The following PPFIA2 variants were observed in gnomAD, a reference collection of about 807,000 sequenced individuals.
The protein encoded by PPFIA2 is PPFI scaffold protein A2.
PPFIA2 carries 46 observed loss-of-function variants against 175.5 expected under a neutral mutation model. The observed-to-expected ratio is 0.26, with a 90% CI of 0.21 to 0.34. The LOEUF (loss-of-function observed/expected upper bound fraction) is 0.34, where lower values mean the gene tolerates loss of function less well. Ranked by LOEUF, PPFIA2 falls within the 10% of genes least tolerant of loss-of-function variation. The pLI is 1.00. For synonymous variants in PPFIA2, 568 were observed against 511.4 expected, an observed-to-expected ratio of 1.11 and a Z score of -1.49; for missense variants, 1,179 against 1,506.1, an observed-to-expected ratio of 0.78 and a Z score of 3.60.
At chr12:81,506,573 TAA>T (rs1345023020) in intron 4 of PPFIA2, among the ~76,000 whole-genome samples, 2 of 152,224 alleles carry the variant, frequency 1.3e-5, no homozygotes, top group South Asian at 2.1e-4. Flanking sequence ...ACACATATGT[TAA>T]GTTTCCTATT....
Position 81,339,323 on chromosome 12 carries a change from A to G in PPFIA2, c.2405T>C (p.Val802Ala). 6.3e-7 allele frequency: 1 copy of G among 1,587,642 alleles called. No homozygotes were observed. The highest frequency in any genetic ancestry group is 8.6e-7 in the Non-Finnish European group (1 of 1,168,278). The change falls in exon 21 of 33, where the codon GTC (valine) becomes GCC (alanine). Residue 802 changes from valine to alanine, a missense_variant. By Grantham distance (64) the Val-to-Ala change is moderately conservative. This residue lies in a region of PPFIA2 where 223 missense variants were observed against 241.6 expected (regional missense o/e 0.92). Transcript: ENST00000549396. ...YHNDARSSLS[V>A]SLEPESLGLG... Reference sequence around the variant, plus strand: ...CCCGAGGCTTTCTGGCTCAAGAGAGACAGATAAACTACTGCAAAACACAAA... The same window carrying G: ...CCCGAGGCTTTCTGGCTCAAGAGAGGCAGATAAACTACTGCAAAACACAAA...
At chr12:81,742,964 A>T (rs1021489857) in intron 3 of PPFIA2, among the ~76,000 whole-genome samples, 2 of 152,162 alleles carry the variant, frequency 1.3e-5, no homozygotes, top group Admixed American at 6.5e-5. Flanking sequence ...AATGTGGGAG[A>T]TATTGCTAAT....
chr12:81,333,492 T>G (rs1478406905), intron 21 of PPFIA2, among the ~76,000 whole-genome samples: 1 of 152,198 alleles, frequency 6.6e-6, no homozygotes, highest in African/African-American at 2.4e-5. Context: ...GTAACCAGGA[T>G]GGATTCCATT....
chr12:81,357,578 T>C (rs11114832), intron 16 of PPFIA2, among the ~76,000 whole-genome samples: 24,478 of 152,202 alleles, frequency 0.16, 2,739 homozygotes, highest in East Asian at 0.41. Context: ...GAATAGTCTA[T>C]GTACATTTTC....
chr12:81,719,966 C>T (rs561015218), intron 3 of PPFIA2, among the ~76,000 whole-genome samples: 1 of 151,324 alleles, frequency 6.6e-6, no homozygotes, highest in South Asian at 2.1e-4. Context: ...TAAATTATAT[C>T]CATTCTATCT....
At chr12:81,429,886 A>G (rs2144402385) in intron 7 of PPFIA2, 1 of 152,174 alleles carries the variant, frequency 6.6e-6, no homozygotes, top group South Asian at 2.1e-4. Flanking sequence ...TGGGTCCACC[A>G]TCCCATACTA....
intron 11 of PPFIA2, 101 bp from the exon 12 acceptor site, chr12:81,369,295 G>A (rs2034448434): frequency 6.5e-7 from 1 of 1,532,894 alleles, no homozygotes; most frequent in East Asian, 2.5e-5. Flanking sequence ...ACTACCAACT[G>A]CAAACATAGT....
chr12:81,635,040 A>G (rs1457381860), intron 4 of PPFIA2, among the ~76,000 whole-genome samples: 1 of 152,228 alleles, frequency 6.6e-6, no homozygotes, highest in Non-Finnish European at 1.5e-5. Flanking sequence ...TTGCTGCATG[A>G]TTGGCTCAGA....
chr12:81,413,680 C>A (rs1384821977), intron 7 of PPFIA2, among the ~76,000 whole-genome samples: 1 of 151,726 alleles, frequency 6.6e-6, no homozygotes, highest in Non-Finnish European at 1.5e-5. Context: ...AAGTATACTG[C>A]AGCTTAGGTA....
At chr12:81,492,229 T>C (rs2059499082) in intron 4 of PPFIA2, among the ~76,000 whole-genome samples, 1 of 152,042 alleles carries the variant, frequency 6.6e-6, no homozygotes, top group African/African-American at 2.4e-5. Flanking sequence ...TTACTCTTTT[T>C]TTTTCAAAAG....
intron 27 of PPFIA2, among the ~76,000 whole-genome samples, chr12:81,280,032 A>G (rs1458499070): frequency 1.3e-5 from 2 of 152,224 alleles, no homozygotes; most frequent in Non-Finnish European, 1.5e-5. Flanking sequence ...CCTTCATCCA[A>G]TTTAAATGTA....
intron 22 of PPFIA2, among the ~76,000 whole-genome samples, chr12:81,325,232 C>T (rs1341315628): frequency 6.6e-6 from 1 of 151,988 alleles, no homozygotes; most frequent in Non-Finnish European, 1.5e-5. Context: ...TTTCCAACAG[C>T]TGCTGCAACT....
At chr12:81,700,145 A>G (rs2076331144) in intron 3 of PPFIA2, among the ~76,000 whole-genome samples, 1 of 151,986 alleles carries the variant, frequency 6.6e-6, no homozygotes, top group Admixed American at 6.6e-5. Context: ...CCTTGACCAT[A>G]TATCTTCATA....
intron 3 of PPFIA2, among the ~76,000 whole-genome samples, chr12:81,721,480 C>T (rs1425008623): frequency 1.3e-5 from 2 of 150,998 alleles, no homozygotes; most frequent in Non-Finnish European, 3.0e-5. Flanking sequence ...CAAACATACA[C>T]ACACATATGC....
At chr12:81,737,491 C>T (rs2081757440) in intron 3 of PPFIA2, among the ~76,000 whole-genome samples, 1 of 151,972 alleles carries the variant, frequency 6.6e-6, no homozygotes, top group Non-Finnish European at 1.5e-5. Context: ...ACTAAAATGA[C>T]TTCCACTGAT....
intron 4 of PPFIA2, among the ~76,000 whole-genome samples, chr12:81,644,601 C>A (rs994817596): frequency 2.6e-5 from 4 of 151,970 alleles, no homozygotes; most frequent in Non-Finnish European, 5.9e-5. Context: ...TAGTATGGTG[C>A]TTTCTTTCTA....
chr12:81,495,027 G>A, intron 4 of PPFIA2, among the ~76,000 whole-genome samples: 1 of 151,346 alleles, frequency 6.6e-6, no homozygotes, highest in Non-Finnish European at 1.5e-5. Context: ...ACACCAGCAT[G>A]GCACATGTAT....
chr12:81,613,760 G>A (rs1313007818), intron 4 of PPFIA2, among the ~76,000 whole-genome samples: 1 of 152,118 alleles, frequency 6.6e-6, no homozygotes, highest in Non-Finnish European at 1.5e-5. Flanking sequence ...ATAGCATGGA[G>A]TTGGTATTCA....
chr12:81,681,854 G>A (rs943708482), intron 3 of PPFIA2, among the ~76,000 whole-genome samples: 1 of 151,956 alleles, frequency 6.6e-6, no homozygotes, highest in Non-Finnish European at 1.5e-5. Flanking sequence ...AATACAGTAA[G>A]AATGAACAAA....
Sources: gnomAD v4.1 joint callset for allele counts (sites outside exome capture counted in the v4.1 genomes callset) on GRCh38, gnomAD v4.1.1 for gene constraint, gnomAD v4.1.1 regional missense constraint, MANE v1.5 for transcripts, NCBI Gene and HGNC (gene_info 2026-07-23, HGNC 2026-07-21) for gene names.